CDS1: variants seen among roughly 807,000 people sequenced by gnomAD.
The protein encoded by CDS1 is phosphatidate cytidylyltransferase 1.
CDS1 carries 41 observed loss-of-function variants against 62.1 expected under a neutral mutation model. That is an observed-to-expected ratio of 0.66 (90% CI 0.51 to 0.86). The LOEUF (loss-of-function observed/expected upper bound fraction) is 0.86. Ranked by LOEUF, CDS1 falls within the 40% of genes least tolerant of loss-of-function variation. The probability of loss-of-function intolerance (pLI) is 0.00; values close to 1 mark genes in which losing one functional copy is unlikely to be tolerated. For missense variants in CDS1, 470 were observed against 550.1 expected (o/e 0.85, Z 1.46); for synonymous variants, 185 against 192.6 (o/e 0.96, Z 0.32).
chr4:84,619,286 G>A (rs1190891392), intron 4 of CDS1, 108 bp from the exon 5 acceptor site: 2 of 531,758 alleles, frequency 3.8e-6, no homozygotes, highest in Middle Eastern at 1.1e-3. Context: ...TTGGTCTTCT[G>A]AACTTTGTTT....
chr4:84,600,180 C>T (rs1578021716), intron 1 of CDS1, among the ~76,000 whole-genome samples: 3 of 151,962 alleles, frequency 2.0e-5, no homozygotes, highest in Admixed American at 2.0e-4. Flanking sequence ...TGTGCATTGC[C>T]CCTGAAATGT....
At chr4:84,637,553 C>T (rs910067519) in intron 8 of CDS1, among the ~76,000 whole-genome samples, 1 of 152,100 alleles carries the variant, frequency 6.6e-6, no homozygotes, top group Non-Finnish European at 1.5e-5. Flanking sequence ...GAAACCCCCT[C>T]CCTGACCCAG....
chr4:84,617,690 T>C (rs1223396350), intron 4 of CDS1, 29 bp downstream of exon 4: 9 of 1,122,416 alleles, frequency 8.0e-6, no homozygotes, highest in East Asian at 2.4e-5. Flanking sequence ...ATTTCAGATA[T>C]GAAAAGTTAA....
Position 84,643,145 on chromosome 4 carries a change from T to G in CDS1, c.1152+2T>G, listed in dbSNP as rs766578554. ...TTCAAAAGAGCCTTCAAAATCAAGG[T>G]GTGTGTTTAGATTCTTTGTTATATT... On this transcript the variant is annotated splice_donor_variant, in intron 11 of 12. Coordinates refer to ENST00000295887, the MANE Select transcript of CDS1 (RefSeq NM_001263.4). LOFTEE classifies it high-confidence loss of function. 1 of 1,612,144 alleles carries G rather than the reference T, an allele frequency of 6.2e-7. No homozygotes were observed. The highest frequency in any genetic ancestry group is 8.5e-7 in the Non-Finnish European group (1 of 1,178,928).
chr4:84,607,883 C>A (rs184470270), intron 2 of CDS1, among the ~76,000 whole-genome samples: 1 of 152,096 alleles, frequency 6.6e-6, no homozygotes, highest in South Asian at 2.1e-4. Flanking sequence ...AGAAAAACAG[C>A]GACAATTCTA....
chr4:84,639,055 C>T (rs1724302506), intron 9 of CDS1, 63 bp downstream of exon 9: 2 of 749,672 alleles, frequency 2.7e-6, no homozygotes, highest in Non-Finnish European at 4.1e-6. Flanking sequence ...GCTTACTGGT[C>T]TAATTTTAAA....
intron 3 of CDS1, among the ~76,000 whole-genome samples, chr4:84,616,479 T>C (rs1002980497): frequency 6.6e-6 from 1 of 152,232 alleles, no homozygotes; most frequent in African/African-American, 2.4e-5. Context: ...CAGAGTTTGG[T>C]AAGCTTTTTC....
At chr4:84,629,405 G>C (rs1291684594) in intron 5 of CDS1, among the ~76,000 whole-genome samples, 1 of 149,806 alleles carries the variant, frequency 6.7e-6, no homozygotes, top group African/African-American at 2.5e-5. Context: ...TATTGAACAT[G>C]TATAGGCTTG....
Position 84,609,675 on chromosome 4 carries a change from A to G in CDS1, c.342+150A>G, listed in dbSNP as rs1411023810. On this transcript the variant is annotated intron_variant, in intron 3 of 12. Coordinates refer to ENST00000295887, the MANE Select transcript of CDS1 (RefSeq NM_001263.4). ...TCCTTTAAGTGTCTTTTATTTCATG[A>G]TATGATCTAACTTAATCTTTTCTGT... 3 of 604,018 alleles carry G rather than the reference A, an allele frequency of 5.0e-6. No homozygotes were observed. The Admixed American group carries it at 9.3e-5, about 19-fold the overall frequency. 37.4% of individuals were successfully genotyped at this position (604,018 alleles called of 1,614,324 possible).
intron 5 of CDS1, among the ~76,000 whole-genome samples, chr4:84,630,832 A>G (rs992969594): frequency 1.3e-5 from 2 of 152,180 alleles, no homozygotes; most frequent in Non-Finnish European, 2.9e-5. Context: ...ATGTTGCAGA[A>G]TAGAATGCAT....
At chr4:84,610,217 AG>A (rs1459228314) in intron 3 of CDS1, among the ~76,000 whole-genome samples, 1 of 152,170 alleles carries the variant, frequency 6.6e-6, no homozygotes, top group Non-Finnish European at 1.5e-5. Flanking sequence ...AGTCTGAGGG[AG>A]GGATGAGGAG....
intron 11 of CDS1, 107 bp from the exon 12 acceptor site, chr4:84,645,115 A>G (rs1724517166): frequency 1.4e-6 from 1 of 707,354 alleles, no homozygotes; most frequent in South Asian, 1.6e-5. Flanking sequence ...ATCCAATAGT[A>G]ATGTATTTTC....
At position 84,624,291 on chromosome 4, in the gene CDS1, CA is replaced by C. The variant is rs36093550; in HGVS notation, c.580+4771del. Among the ~76,000 whole-genome samples the C allele has an allele frequency of 9.6e-3, 1,154 of 119,614 alleles. 15 individuals carry two copies. The highest frequency in any genetic ancestry group is 0.027 in the African/African-American group (950 of 35,148). The allele number at this position is 119,614 out of a possible 152,430, so 78.5% of individuals were successfully genotyped here. On this transcript the variant is annotated intron_variant, in intron 5 of 12. Coordinates refer to ENST00000295887, the MANE Select transcript of CDS1 (RefSeq NM_001263.4). ...TCTGTCTCAAAAAAAAAAAAACAAA[CA>C]AAAAAAAAAAAACTAGTTTTTTTTT...
chr4:84,592,291 C>A (rs1198960917), intron 1 of CDS1, among the ~76,000 whole-genome samples: 4 of 151,550 alleles, frequency 2.6e-5, no homozygotes, highest in African/African-American at 9.7e-5. Context: ...CCCACCTCAG[C>A]CTCCCAAGTA....
intron 1 of CDS1, among the ~76,000 whole-genome samples, chr4:84,595,587 A>G (rs553115104): frequency 2.6e-5 from 4 of 152,316 alleles, no homozygotes; most frequent in Admixed American, 6.5e-5. Flanking sequence ...ACGAATATGG[A>G]ACCCACAAAT....
Position 84,621,002 on chromosome 4 carries a change from G to T in CDS1, c.580+1469G>T, listed in dbSNP as rs1024557103. Among the ~76,000 whole-genome samples the T allele has an allele frequency of 3.9e-5, 6 of 152,076 alleles. No homozygotes were observed. In the East Asian group the frequency reaches 1.2e-3, roughly 29 times the overall value. ...TTGAACCCGGGAGGCGGAGGTTGCG[G>T]TGAGCCGAGATCACACCATTGCACT... On this transcript the variant is annotated intron_variant, in intron 5 of 12. Transcript: ENST00000295887.
chr4:84,596,661 T>A (rs905096906), intron 1 of CDS1, among the ~76,000 whole-genome samples: 2 of 152,154 alleles, frequency 1.3e-5, no homozygotes, highest in Non-Finnish European at 2.9e-5. Flanking sequence ...CTCCCTTGAA[T>A]TGTACCAACA....
In CDS1 at chr4:84,618,179, A is replaced by G. The variant is rs767737213; in HGVS notation, c.440+518A>G. On this transcript the variant is annotated intron_variant, in intron 4 of 12. Coordinates refer to ENST00000295887, the MANE Select transcript of CDS1 (RefSeq NM_001263.4). Reference sequence around the variant, plus strand: ...ATTGCTCTCAGAACCTTGACTAGGAAACATGATAACATTATAGTTCATATT... The same window carrying G: ...ATTGCTCTCAGAACCTTGACTAGGAGACATGATAACATTATAGTTCATATT... Among the ~76,000 whole-genome samples the G allele has an allele frequency of 4.6e-5, 7 of 152,208 alleles. No homozygotes were observed. In the East Asian group the frequency reaches 1.3e-3, roughly 29 times the overall value.
Position 84,619,543 on chromosome 4 carries a change from G to A in CDS1, c.580+10G>A. ...GCCCTCTATCTGGCAGGTAAGTTAAGGAATATTCTGTATTGATATATAGTT... is the reference window on the plus strand; with the variant it reads ...GCCCTCTATCTGGCAGGTAAGTTAAAGAATATTCTGTATTGATATATAGTT... On this transcript the variant is annotated intron_variant, in intron 5 of 12. Transcript: ENST00000295887. 6.6e-7 allele frequency: 1 copy of A among 1,521,276 alleles called. No homozygotes were observed. Among genetic ancestry groups the A allele is most frequent in the Non-Finnish European group, 9.0e-7 (1 of 1,112,818 alleles). 94.2% of individuals were successfully genotyped at this position (1,521,276 alleles called of 1,614,324 possible).
Sources: allele counts gnomAD v4.1 joint callset (sites outside exome capture counted in the v4.1 genomes callset), GRCh38; gene constraint gnomAD v4.1.1; transcripts MANE v1.5; gene names NCBI Gene and HGNC (gene_info 2026-07-23, HGNC 2026-07-21).